C8orf89: variants seen among roughly 807,000 people sequenced by gnomAD.
C8orf89 encodes putative uncharacterized protein C8orf89.
In C8orf89, 14 loss-of-function variants were observed where a neutral mutation model predicts 15.8. That is an observed-to-expected ratio of 0.89 (90% CI 0.59 to 1.39). The LOEUF is 1.39. C8orf89 is among the 40% of genes most tolerant of loss of function. C8orf89 has a pLI of 0.00. For synonymous variants in C8orf89, 55 were observed against 62.2 expected, an observed-to-expected ratio of 0.88 and a Z score of 0.54; for missense variants, 181 against 184.5, an observed-to-expected ratio of 0.98 and a Z score of 0.11.
intron 2 of C8orf89, among the ~76,000 whole-genome samples, chr8:73,252,671 G>A (rs1290926310): frequency 6.6e-6 from 1 of 152,042 alleles, no homozygotes; most frequent in Non-Finnish European, 1.5e-5. Context: ...GTATTAGCTG[G>A]AAAACTCAAG....
upstream of C8orf89, chr8:73,259,570 T>G (rs914672406): frequency 1.6e-6 from 1 of 613,228 alleles, no homozygotes. Context: ...TGTGTCATAA[T>G]GTTTCTCTTT....
chr8:73,259,542 C>T (rs145652325), upstream of C8orf89: 12 of 944,822 alleles, frequency 1.3e-5, no homozygotes, highest in African/African-American at 6.7e-5. Flanking sequence ...AAGGCACGTC[C>T]GAGACAAGGC....
chr8:73,253,453 T>C (rs1287717758), intron 2 of C8orf89, among the ~76,000 whole-genome samples: 1 of 152,012 alleles, frequency 6.6e-6, no homozygotes, highest in Non-Finnish European at 1.5e-5. Flanking sequence ...TTTAAAGTAG[T>C]TTTTTCCAAT....
chr8:73,273,248 AC>A, the C8orf89 span, among the ~76,000 whole-genome samples: 29 of 152,244 alleles, frequency 1.9e-4, no homozygotes, highest in African/African-American at 6.7e-4. Context: ...AGCTGCAGCC[AC>A]CCAGCCATGG....
chr8:73,285,896 G>T, the C8orf89 span, among the ~76,000 whole-genome samples: 1 of 152,200 alleles, frequency 6.6e-6, no homozygotes, highest in Non-Finnish European at 1.5e-5. Flanking sequence ...GCGACGCTGG[G>T]CCCGGCCCGG....
chr8:73,254,756 G>A (rs545994520), intron 2 of C8orf89, among the ~76,000 whole-genome samples: 9 of 152,244 alleles, frequency 5.9e-5, no homozygotes, highest in Non-Finnish European at 8.8e-5. Flanking sequence ...CATGGTACTG[G>A]TACCAAAACA....
the C8orf89 span, among the ~76,000 whole-genome samples, chr8:73,280,193 G>T: frequency 6.6e-6 from 1 of 152,092 alleles, no homozygotes; most frequent in East Asian, 1.9e-4. Flanking sequence ...TTCATTTCAG[G>T]CACCTGGGGA....
chr8:73,265,814 T>A, the C8orf89 span, among the ~76,000 whole-genome samples: 1 of 152,166 alleles, frequency 6.6e-6, no homozygotes, highest in Non-Finnish European at 1.5e-5. Flanking sequence ...CTGAAGTATG[T>A]TTCCTTCCAG....
chr8:73,280,498 G>A, the C8orf89 span, among the ~76,000 whole-genome samples: 1 of 152,136 alleles, frequency 6.6e-6, no homozygotes, highest in African/African-American at 2.4e-5. Flanking sequence ...AGCCTCCTGA[G>A]TAGCTGGGAT....
At chr8:73,285,586 T>C in the C8orf89 span, among the ~76,000 whole-genome samples, 1 of 152,232 alleles carries the variant, frequency 6.6e-6, no homozygotes, top group Non-Finnish European at 1.5e-5. Context: ...GGGCTCGTCC[T>C]GAGACGGGCC....
chr8:73,242,730 G>T (rs1031458649), intron 3 of C8orf89, among the ~76,000 whole-genome samples: 2 of 152,188 alleles, frequency 1.3e-5, no homozygotes, highest in African/African-American at 4.8e-5. Context: ...TACAACCACT[G>T]TGGAGAACAG....
intron 1 of C8orf89, among the ~76,000 whole-genome samples, chr8:73,257,656 G>T (rs909983362): frequency 1.3e-5 from 2 of 152,150 alleles, no homozygotes; most frequent in Middle Eastern, 3.2e-3. Context: ...CATCAAGATT[G>T]TTTCTTCTAC....
intron 3 of C8orf89, among the ~76,000 whole-genome samples, chr8:73,244,655 T>C (rs1239724882): frequency 1.3e-5 from 2 of 152,204 alleles, no homozygotes; most frequent in African/African-American, 4.8e-5. Flanking sequence ...TTTGTTTTGT[T>C]TGCAGGGGTA....
At chr8:73,266,212 G>A in the C8orf89 span, among the ~76,000 whole-genome samples, 8 of 152,258 alleles carry the variant, frequency 5.3e-5, no homozygotes, top group African/African-American at 9.6e-5. Context: ...GAAAACCTTC[G>A]GCCACCTCTG....
intron 3 of C8orf89, among the ~76,000 whole-genome samples, chr8:73,247,606 TA>T (rs1563530260): frequency 6.6e-6 from 1 of 152,222 alleles, no homozygotes; most frequent in Non-Finnish European, 1.5e-5. Context: ...CAGCATCTGT[TA>T]TTTTTTTACT....
the C8orf89 span, among the ~76,000 whole-genome samples, chr8:73,279,774 G>A: frequency 6.6e-6 from 1 of 152,164 alleles, no homozygotes; most frequent in Non-Finnish European, 1.5e-5. Context: ...ACTTCCACTT[G>A]GCTCTCAGGA....
At chr8:73,266,824 T>C in the C8orf89 span, among the ~76,000 whole-genome samples, 322 of 151,702 alleles carry the variant, frequency 2.1e-3, 2 homozygotes, top group African/African-American at 7.1e-3. Context: ...AACCAGGCTG[T>C]GATCTCATTC....
rs750787749 is a variant in C8orf89 at position 73,259,486 on chromosome 8, G to C, written c.-28C>G. The C allele has an allele frequency of 6.8e-7, 1 of 1,461,286 alleles. No individual in the cohort carries two copies. Among genetic ancestry groups the C allele is most frequent in the South Asian group, 1.4e-5 (1 of 68,972 alleles). The allele number at this position is 1,461,286 out of a possible 1,614,324, so 90.5% of individuals were successfully genotyped here. A position where few individuals can be genotyped will look rare whatever the true frequency, so the allele number is the denominator to read the frequency against. On this transcript the variant is annotated 5_prime_UTR_variant, in exon 1 of 4. Coordinates refer to ENST00000624510, the MANE Select transcript of C8orf89 (RefSeq NM_001243237.3). Reference sequence around the variant, plus strand: ...TTTCTTCTTTCAACAGTGCTGATGAGAGGGAGATGCTGCTGCAGAGACAGG... The same window carrying C: ...TTTCTTCTTTCAACAGTGCTGATGACAGGGAGATGCTGCTGCAGAGACAGG...
At chr8:73,261,524 G>A (rs1437805874), upstream of C8orf89, among the ~76,000 whole-genome samples, 2 of 152,052 alleles carry the variant, frequency 1.3e-5, no homozygotes, top group Admixed American at 6.6e-5. Context: ...GTAGGGAGAG[G>A]CGAGCCCTCC....
Sources: gnomAD v4.1 joint callset for allele counts (sites outside exome capture counted in the v4.1 genomes callset) on GRCh38, gnomAD v4.1.1 for gene constraint, MANE v1.5 for transcripts, NCBI Gene and HGNC (gene_info 2026-07-23, HGNC 2026-07-21) for gene names.